Variants in CPNE8 observed in about 807,000 individuals in gnomAD.
CPNE8 encodes the protein copine 8.
Under a neutral mutation model 81.5 loss-of-function variants are expected in CPNE8, and 45 were observed. The ratio of observed to expected loss-of-function variants is 0.55; its 90% CI spans 0.44 to 0.71. The LOEUF is 0.71. Ranked by LOEUF, CPNE8 falls within the 30% of genes least tolerant of loss-of-function variation. CPNE8 has a pLI of 0.00. For synonymous variants in CPNE8, 252 were observed against 226.3 expected, an observed-to-expected ratio of 1.11 and a Z score of -1.02; for missense variants, 594 against 672.1, an observed-to-expected ratio of 0.88 and a Z score of 1.28.
chr12:38,796,331 G>C lies in CPNE8; in HGVS notation c.408-20030C>G, dbSNP rs1942472116. On this transcript the variant is annotated intron_variant, in intron 6 of 19. Coordinates refer to ENST00000331366, the MANE Select transcript of CPNE8 (RefSeq NM_153634.3). ...AAAAATCTTGAACTCAAAAGGAAAA[G>C]ACAAAAATATTTAGTTTTTATAAAA... Among the ~76,000 whole-genome samples, 4 of 151,802 alleles carry C rather than the reference G, an allele frequency of 2.6e-5. No homozygotes were observed. The South Asian group carries it at 8.3e-4, about 32-fold the overall frequency.
At chr12:38,788,897 A>C (rs1942261930) in intron 6 of CPNE8, among the ~76,000 whole-genome samples, 2 of 151,868 alleles carry the variant, frequency 1.3e-5, no homozygotes, top group Admixed American at 1.3e-4. Context: ...TTAGCCAAAG[A>C]AGTAAAAGAT....
chr12:38,801,059 T>C (rs1454171264), intron 6 of CPNE8, among the ~76,000 whole-genome samples: 185 of 146,834 alleles, frequency 1.3e-3, no homozygotes, highest in African/African-American at 4.4e-3. Context: ...ATGGGGAGAA[T>C]GGAACCAAGT....
At chr12:38,654,689 TTA>T (rs1485620576) in intron 19 of CPNE8, among the ~76,000 whole-genome samples, 6 of 152,100 alleles carry the variant, frequency 3.9e-5, no homozygotes, top group Non-Finnish European at 7.3e-5. Flanking sequence ...TTCTGCAGTT[TTA>T]GGTTCTATAC....
intron 19 of CPNE8, among the ~76,000 whole-genome samples, chr12:38,654,318 C>T (rs1187050753): frequency 6.6e-6 from 1 of 151,826 alleles, no homozygotes; most frequent in Non-Finnish European, 1.5e-5. Context: ...GAGTTCAAGA[C>T]CAGCCTGACC....
intron 10 of CPNE8, among the ~76,000 whole-genome samples, chr12:38,748,773 A>G (rs1941293319): frequency 6.6e-6 from 1 of 152,162 alleles, no homozygotes; most frequent in Non-Finnish European, 1.5e-5. Flanking sequence ...AAGGATATTA[A>G]TACATGTAAC....
At chr12:38,875,509 G>A (rs939769860) in intron 1 of CPNE8, among the ~76,000 whole-genome samples, 1 of 152,088 alleles carries the variant, frequency 6.6e-6, no homozygotes, top group African/African-American at 2.4e-5. Flanking sequence ...AAAATCTCGT[G>A]TTCAAGCTGT....
At chr12:38,865,442 T>C (rs1943900349) in intron 3 of CPNE8, among the ~76,000 whole-genome samples, 1 of 152,188 alleles carries the variant, frequency 6.6e-6, no homozygotes, top group African/African-American at 2.4e-5. Context: ...TAGAGAACCA[T>C]GCAGCAACAG....
intron 15 of CPNE8, 86 bp downstream of exon 15, chr12:38,693,571 A>T (rs1939725949): frequency 8.4e-7 from 1 of 1,188,242 alleles, no homozygotes; most frequent in East Asian, 2.5e-5. Flanking sequence ...TTGCTACTTG[A>T]CTGACTAAAG....
chr12:38,673,563 T>C (rs1192566349), intron 18 of CPNE8, among the ~76,000 whole-genome samples: 34 of 152,152 alleles, frequency 2.2e-4, no homozygotes, highest in Admixed American at 2.2e-3. Context: ...TGTTGTCGCC[T>C]AGCAGAATAA....
At chr12:38,902,378 A>G (rs1209248752) in intron 1 of CPNE8, among the ~76,000 whole-genome samples, 3 of 104,270 alleles carry the variant, frequency 2.9e-5, no homozygotes, top group East Asian at 2.7e-4. Context: ...GAAAGAAAGA[A>G]AGAAAAGAAA....
intron 7 of CPNE8, 49 bp downstream of exon 7, chr12:38,776,189 G>A: frequency 2.2e-6 from 2 of 918,072 alleles, no homozygotes; most frequent in Admixed American, 2.3e-5. Flanking sequence ...TTTAGATATA[G>A]CATTTGAAGT....
At chr12:38,698,827 T>C (rs1338140796) in intron 14 of CPNE8, among the ~76,000 whole-genome samples, 1 of 152,236 alleles carries the variant, frequency 6.6e-6, no homozygotes, top group Non-Finnish European at 1.5e-5. Context: ...GTGAGAAATG[T>C]TGACTCTTCC....
intron 10 of CPNE8, 80 bp downstream of exon 10, chr12:38,760,767 T>C: frequency 9.1e-7 from 1 of 1,098,682 alleles, no homozygotes; most frequent in Non-Finnish European, 1.4e-6. Context: ...AAAATTACAA[T>C]TTAAAAATGT....
chr12:38,707,875 T>C (rs1940151365), intron 13 of CPNE8, among the ~76,000 whole-genome samples: 1 of 152,324 alleles, frequency 6.6e-6, no homozygotes, highest in Admixed American at 6.5e-5. Context: ...AGTTCAACAA[T>C]GATTTATGGA....
chr12:38,731,285 C>T (rs534939389), intron 10 of CPNE8, among the ~76,000 whole-genome samples: 1 of 152,014 alleles, frequency 6.6e-6, no homozygotes, highest in Admixed American at 6.6e-5. Flanking sequence ...TTAAGCTCTG[C>T]CAATTTGTTT....
chr12:38,887,083 A>T (rs1474046926), intron 1 of CPNE8, among the ~76,000 whole-genome samples: 1 of 152,218 alleles, frequency 6.6e-6, no homozygotes, highest in Non-Finnish European at 1.5e-5. Context: ...GAGCAGAGTT[A>T]CATACAGGGT....
intron 17 of CPNE8, 137 bp from the exon 18 acceptor site, chr12:38,675,911 G>A: frequency 4.7e-6 from 3 of 638,678 alleles, no homozygotes; most frequent in African/African-American, 1.8e-5. Flanking sequence ...CTTGAGGCCA[G>A]GAGTTTGAGA....
intron 4 of CPNE8, among the ~76,000 whole-genome samples, chr12:38,845,302 C>A (rs976046009): frequency 6.6e-6 from 1 of 152,172 alleles, no homozygotes; most frequent in African/African-American, 2.4e-5. Flanking sequence ...TTCTCTAACA[C>A]ACCAGAAACC....
intron 10 of CPNE8, among the ~76,000 whole-genome samples, chr12:38,756,708 T>C (rs1941468404): frequency 6.6e-6 from 1 of 152,216 alleles, no homozygotes; most frequent in African/African-American, 2.4e-5. Flanking sequence ...GAGTCAATTC[T>C]AGACTTCTAC....
Sources: gnomAD v4.1 joint callset for allele counts (sites outside exome capture counted in the v4.1 genomes callset) on GRCh38, gnomAD v4.1.1 for gene constraint, MANE v1.5 for transcripts, NCBI Gene and HGNC (gene_info 2026-07-23, HGNC 2026-07-21) for gene names.